RIMS3: variants seen among roughly 807,000 people sequenced by gnomAD.
RIMS3 encodes regulating synaptic membrane exocytosis protein 3.
In RIMS3, 15 loss-of-function variants were observed where a neutral mutation model predicts 29.2. The ratio of observed to expected loss-of-function variants is 0.51; its 90% confidence interval spans 0.34 to 0.79. The LOEUF (loss-of-function observed/expected upper bound fraction) is 0.79. Among genes scored for constraint, RIMS3 ranks in the 30% least tolerant of loss-of-function variants. RIMS3 has a pLI of 0.01. For synonymous variants in RIMS3, 161 were observed against 170.1 expected (o/e 0.95, Z 0.41); for missense variants, 342 against 421.4 (o/e 0.81, Z 1.65).
At chr1:40,675,270 T>C in the RIMS3 span, among the ~76,000 whole-genome samples, 1 of 146,318 alleles carries the variant, frequency 6.8e-6, no homozygotes, top group Non-Finnish European at 1.5e-5. Flanking sequence ...TGAGACCCTG[T>C]CTCAGGAAAA....
chr1:40,675,566 T>C, the RIMS3 span, among the ~76,000 whole-genome samples: 299 of 152,198 alleles, frequency 2.0e-3, 8 homozygotes, highest in Middle Eastern at 3.4e-3. Flanking sequence ...GAGACCAGCC[T>C]GGCAAACATG....
At chr1:40,681,340 G>A in the RIMS3 span, among the ~76,000 whole-genome samples, 1 of 152,156 alleles carries the variant, frequency 6.6e-6, no homozygotes, top group African/African-American at 2.4e-5. Context: ...CATCGAAACT[G>A]ATGTGATTGA....
rs1642383603 is a variant in RIMS3 at position 40,663,621 on chromosome 1, G to C, written c.-207+1773C>G. ...ACAGAGCTCAGCACCTGGGCAGGAAGTTGGGAAGCCCAGAGAGTAGCAGCT... is the reference window on the plus strand; with the variant it reads ...ACAGAGCTCAGCACCTGGGCAGGAACTTGGGAAGCCCAGAGAGTAGCAGCT... On this transcript the variant is annotated intron_variant, in intron 1 of 7. Transcript: ENST00000372684. Among the ~76,000 whole-genome samples, 6 of 152,356 alleles carry C rather than the reference G, an allele frequency of 3.9e-5. 1 individual carries two copies. In the South Asian group the frequency reaches 1.2e-3, roughly 32 times the overall value.
Position 40,620,780 on chromosome 1 carries a change from G to A in RIMS3, c.*5737C>T, listed in dbSNP as rs1405416018. Reference sequence around the variant, plus strand: ...CCTCAAGGGAATTGGCAAGAATGTTGTACGAAACAGCCGGCAGTCCCTCCC... The same window carrying A: ...CCTCAAGGGAATTGGCAAGAATGTTATACGAAACAGCCGGCAGTCCCTCCC... On this transcript the variant is annotated 3_prime_UTR_variant, in exon 8 of 8. Transcript: ENST00000372684. The A allele has an allele frequency of 6.6e-6, 1 of 152,648 alleles. No individual in the cohort carries two copies. Among genetic ancestry groups the A allele is most frequent in the Non-Finnish European group, 1.5e-5 (1 of 68,052 alleles). 9.5% of individuals were successfully genotyped at this position (152,648 alleles called of 1,614,324 possible).
At chr1:40,640,985 C>T (rs186823406) in intron 3 of RIMS3, among the ~76,000 whole-genome samples, 1 of 152,286 alleles carries the variant, frequency 6.6e-6, no homozygotes, top group East Asian at 1.9e-4. Flanking sequence ...GGGCAGCTTA[C>T]CAGAGACACT....
chr1:40,685,881 C>T, the RIMS3 span, among the ~76,000 whole-genome samples: 37 of 152,010 alleles, frequency 2.4e-4, no homozygotes, highest in African/African-American at 8.4e-4. Context: ...CAGTGGCTTA[C>T]GCCTATAATC....
chr1:40,629,474 C>G, intron 5 of RIMS3, 102 bp from the exon 6 acceptor site: 1 of 968,238 alleles, frequency 1.0e-6, no homozygotes, highest in Non-Finnish European at 1.7e-6. Context: ...TACATCATCA[C>G]TAGAAAGGGA....
chr1:40,629,725 G>C (rs946247570), intron 5 of RIMS3, among the ~76,000 whole-genome samples: 1 of 152,134 alleles, frequency 6.6e-6, no homozygotes, highest in Non-Finnish European at 1.5e-5. Flanking sequence ...CAGGAAGACA[G>C]GGGAGGCTGT....
chr1:40,652,289 G>A (rs1297569369), intron 1 of RIMS3, among the ~76,000 whole-genome samples: 1 of 152,202 alleles, frequency 6.6e-6, no homozygotes, highest in Non-Finnish European at 1.5e-5. Context: ...CAATGTGCAG[G>A]TGAATCACCT....
chr1:40,658,348 C>T (rs1001240315), intron 1 of RIMS3, among the ~76,000 whole-genome samples: 2 of 152,214 alleles, frequency 1.3e-5, no homozygotes, highest in Non-Finnish European at 2.9e-5. Context: ...AAAGACTCTC[C>T]TTTAAGTCAC....
chr1:40,657,325 C>T (rs1189565862), intron 1 of RIMS3, among the ~76,000 whole-genome samples: 1 of 152,184 alleles, frequency 6.6e-6, no homozygotes, highest in African/African-American at 2.4e-5. Context: ...AACCTGCTAT[C>T]TGCCCGTGAG....
At chr1:40,650,459 C>T (rs1646624166) in intron 1 of RIMS3, among the ~76,000 whole-genome samples, 1 of 152,228 alleles carries the variant, frequency 6.6e-6, no homozygotes, top group Non-Finnish European at 1.5e-5. Flanking sequence ...CCAAGGCCCA[C>T]AAGCCCATGT....
chr1:40,627,697 G>A (rs1413249329), intron 7 of RIMS3, among the ~76,000 whole-genome samples: 1 of 152,008 alleles, frequency 6.6e-6, no homozygotes, highest in Non-Finnish European at 1.5e-5. Context: ...GACCTCCTGG[G>A]CTCAAACAAT....
chr1:40,647,085 T>C (rs1027447512), intron 2 of RIMS3, among the ~76,000 whole-genome samples: 4 of 152,150 alleles, frequency 2.6e-5, no homozygotes, highest in South Asian at 2.1e-4. Flanking sequence ...TTTGCCATAT[T>C]GGCCAGGCTG....
At chr1:40,651,267 G>A (rs868359715) in intron 1 of RIMS3, among the ~76,000 whole-genome samples, 1 of 152,180 alleles carries the variant, frequency 6.6e-6, no homozygotes, top group Admixed American at 6.5e-5. Flanking sequence ...GTCCTTATAG[G>A]AAGGTGGCCA....
At chr1:40,691,829 C>G in the RIMS3 span, 1 of 435,860 alleles carries the variant, frequency 2.3e-6, no homozygotes, top group Admixed American at 2.5e-5. Flanking sequence ...CGTAGGAGCG[C>G]GGGGGCGGCT....
chr1:40,670,338 TC>T (rs1642475343), upstream of RIMS3, among the ~76,000 whole-genome samples: 1 of 151,448 alleles, frequency 6.6e-6, no homozygotes. Flanking sequence ...GACAGGGAGA[TC>T]TTTGAATGCT....
chr1:40,635,943 C>T lies in RIMS3; in HGVS notation c.332G>A (p.Ser111Asn). ...GCCGTCGGAGCTGTTGCTGTTGGTG[C>T]TCCCATCGGTGGACTCCCGGCTGCC... ...RQGSRESTDG[S>N]TNSNSSDGTF... Residue 111 changes from serine (S) to asparagine (N), a missense_variant, in exon 4 of 8, where the codon AGC (serine) becomes AAC (asparagine). Coordinates refer to ENST00000372684, the MANE Select transcript of RIMS3 (RefSeq NM_014747.3). The surrounding 1 kb of genome is among the most constrained non-coding windows in gnomAD (Gnocchi z 4.1). The T allele has an allele frequency of 6.2e-7, 1 of 1,612,812 alleles. No homozygotes were observed.
the RIMS3 span, among the ~76,000 whole-genome samples, chr1:40,689,804 T>C: frequency 6.6e-6 from 1 of 152,176 alleles, no homozygotes; most frequent in Non-Finnish European, 1.5e-5. Context: ...ACTATTAAAA[T>C]ACTGAAATAC....
Sources: allele counts gnomAD v4.1 joint callset (sites outside exome capture counted in the v4.1 genomes callset), GRCh38; gene constraint gnomAD v4.1.1; non-coding constraint Gnocchi (gnomAD v3.1); transcripts MANE v1.5; gene names NCBI Gene and HGNC (gene_info 2026-07-23, HGNC 2026-07-21).